The following IPO8 variants were observed in gnomAD, a reference collection of about 807,000 sequenced individuals.
IPO8 encodes importin 8, also known as importin-8.
A neutral mutation model predicts 141.2 loss-of-function variants in IPO8; 65 were observed. The ratio of observed to expected loss-of-function variants is 0.46; its 90% CI spans 0.38 to 0.57. The LOEUF is 0.57. Ranked by LOEUF, IPO8 falls within the 20% of genes least tolerant of loss-of-function variation. IPO8 has a pLI of 0.00. For missense variants in IPO8, 980 were observed against 1,246.8 expected, an observed-to-expected ratio of 0.79 and a Z score of 3.22; for synonymous variants, 411 against 420.3, an observed-to-expected ratio of 0.98 and a Z score of 0.27.
chr12:30,683,941 C>T (rs2053214174), intron 3 of IPO8, among the ~76,000 whole-genome samples: 2 of 152,202 alleles, frequency 1.3e-5, no homozygotes, highest in South Asian at 4.1e-4. Flanking sequence ...CAGAATCAGT[C>T]TCTCTGTATC....
At position 30,670,228 on chromosome 12, in the gene IPO8, G is replaced by A. The variant is rs532454018; in HGVS notation, c.1044+734C>T. On this transcript the variant is annotated intron_variant, in intron 9 of 24. Coordinates refer to ENST00000256079, the MANE Select transcript of IPO8 (RefSeq NM_006390.4). ...AAGAAAAGATATCTGTTGGTAAGAC[G>A]GGTAATAACACTAAAATTCTATCCT... 3.9e-5 allele frequency among the ~76,000 whole-genome samples: 6 copies of A among 152,188 alleles called. No homozygotes were observed. In the East Asian group the frequency reaches 1.2e-3, roughly 29 times the overall value.
At chr12:30,675,125 T>C (rs771948231) in intron 6 of IPO8, among the ~76,000 whole-genome samples, 2 of 152,256 alleles carry the variant, frequency 1.3e-5, no homozygotes, top group African/African-American at 2.4e-5. Context: ...TGTGCATTTA[T>C]GTATGTAAGC....
In IPO8 at chr12:30,658,636, C is replaced by T. The variant is rs76518360; in HGVS notation, c.1882-1886G>A. Among the ~76,000 whole-genome samples the T allele has an allele frequency of 3.2e-3, 492 of 152,292 alleles. 4 individuals carry two copies. The highest frequency in any genetic ancestry group is 0.012 in the East Asian group (64 of 5,184). On this transcript the variant is annotated intron_variant, in intron 16 of 24. Coordinates refer to ENST00000256079, the MANE Select transcript of IPO8 (RefSeq NM_006390.4). ...AGCTCATTCTACTACGCCCCACACA[C>T]ACTTGTGAAAACTGGATAAGGTGAT...
chr12:30,667,256 A>G (rs550578805), intron 10 of IPO8, among the ~76,000 whole-genome samples: 5 of 152,208 alleles, frequency 3.3e-5, no homozygotes, highest in Admixed American at 2.0e-4. Context: ...CAGCACTATT[A>G]TCATCACCCG....
intron 16 of IPO8, among the ~76,000 whole-genome samples, chr12:30,658,876 C>CTT (rs11337753): frequency 0.026 from 2,303 of 90,250 alleles, 105 homozygotes; most frequent in African/African-American, 0.054. Context: ...AGTATCAAGC[C>CTT]TTTTTTTTTT....
At chr12:30,663,784 T>C in intron 13 of IPO8, 130 bp from the exon 14 acceptor site, 1 of 604,884 alleles carries the variant, frequency 1.7e-6, no homozygotes, top group East Asian at 3.4e-5. Context: ...GGTAACACAG[T>C]AGCCTTAGTT....
At chr12:30,652,128 C>T (rs2052735549) in intron 19 of IPO8, 64 bp downstream of exon 19, 2 of 862,172 alleles carry the variant, frequency 2.3e-6, no homozygotes, top group South Asian at 3.1e-5. Context: ...GAAAAAGTAT[C>T]CTGAAGCAAA....
chr12:30,647,542 C>T (rs948203606), intron 20 of IPO8, among the ~76,000 whole-genome samples: 1 of 134,738 alleles, frequency 7.4e-6, no homozygotes, highest in Admixed American at 8.2e-5. Flanking sequence ...GAGGTCAAGG[C>T]TGCAGTGAGC....
chr12:30,688,940 GA>G (rs1199840909), intron 2 of IPO8, among the ~76,000 whole-genome samples: 2 of 151,738 alleles, frequency 1.3e-5, no homozygotes, highest in Non-Finnish European at 1.5e-5. Flanking sequence ...TATCAACAAT[GA>G]AAAAAAGACA....
Position 30,669,349 on chromosome 12 carries a change from T to C in IPO8, c.1045-67A>G, listed in dbSNP as rs879912903. 5.8e-6 allele frequency: 4 copies of C among 692,084 alleles called. No individual in the cohort carries two copies. In the Admixed American group the frequency reaches 7.6e-5, roughly 13 times the overall value. The allele number at this position is 692,084 out of a possible 1,614,324, so 42.9% of individuals were successfully genotyped here. ...GCTATTCAAGTTTGAGGAATACTAA[T>C]AATGTACTTGTTGACAGCCTTTATG... is the stretch of plus-strand genomic sequence containing the variant. On this transcript the variant is annotated intron_variant, in intron 9 of 24. Coordinates refer to ENST00000256079, the MANE Select transcript of IPO8 (RefSeq NM_006390.4).
intron 20 of IPO8, among the ~76,000 whole-genome samples, chr12:30,647,412 C>A (rs1312549453): frequency 6.6e-6 from 1 of 151,800 alleles, no homozygotes; most frequent in African/African-American, 2.4e-5. Flanking sequence ...TTAAATATGA[C>A]AACGGCTGGG....
At chr12:30,651,588 T>C (rs1268645817) in intron 19 of IPO8, among the ~76,000 whole-genome samples, 1 of 152,092 alleles carries the variant, frequency 6.6e-6, no homozygotes, top group Non-Finnish European at 1.5e-5. Context: ...TGTATGTATA[T>C]ATTTACTTAT....
chr12:30,669,249 A>G lies in IPO8; in HGVS notation c.1078T>C (p.Cys360Arg). 1 of 1,587,428 alleles carries G rather than the reference A, an allele frequency of 6.3e-7. No individual in the cohort carries two copies. The highest frequency in any genetic ancestry group is 8.6e-7 in the Non-Finnish European group (1 of 1,167,978). The change falls in exon 10 of 25, where the codon TGT (cysteine) becomes CGT (arginine). Residue 360 changes from cysteine to arginine, a missense_variant. Cys to Arg is a radical substitution (Grantham distance 180). Coordinates refer to ENST00000256079, the MANE Select transcript of IPO8 (RefSeq NM_006390.4). The stretch of plus-strand genomic sequence containing the variant: ...AGCTCTTCATCCTCATCTTTATAAC[A>G]CATCACAGAAAAAATCACATCTTCA... Reference protein sequence around the residue: ...ISEDVIFSVMCYKDEDEELWQ... With the variant: ...ISEDVIFSVMRYKDEDEELWQ...
intron 5 of IPO8, chr12:30,676,992 C>T (rs1410928043): frequency 6.6e-7 from 1 of 1,523,912 alleles, no homozygotes; most frequent in Non-Finnish European, 8.8e-7. Flanking sequence ...CTTTCCTCTA[C>T]ACTGTAGCAT....
At chr12:30,662,139 C>T (rs538613474) in intron 15 of IPO8, among the ~76,000 whole-genome samples, 188 bp downstream of exon 15, 1 of 152,216 alleles carries the variant, frequency 6.6e-6, no homozygotes, top group Non-Finnish European at 1.5e-5. Context: ...TCTAAACATA[C>T]AAAAGGTACA....
At position 30,652,178 on chromosome 12, in the gene IPO8, T is replaced by C. The variant is rs747206321; in HGVS notation, c.2172+14A>G. The C allele has an allele frequency of 7.0e-7, 1 of 1,419,310 alleles. No individual in the cohort carries two copies. The highest frequency in any genetic ancestry group is 1.8e-5 in the Admixed American group (1 of 56,390). 87.9% of individuals were successfully genotyped at this position (1,419,310 alleles called of 1,614,324 possible). The stretch of plus-strand genomic sequence containing the variant: ...GTTAAGAACCACTGAAACAATAGAT[T>C]AGGTCATGCTTACCTTCCTACACAT... On this transcript the variant is annotated intron_variant, in intron 19 of 24. Coordinates refer to ENST00000256079, the MANE Select transcript of IPO8 (RefSeq NM_006390.4).
chr12:30,638,009 A>G (rs181489327), intron 21 of IPO8, among the ~76,000 whole-genome samples: 4 of 152,206 alleles, frequency 2.6e-5, no homozygotes, highest in African/African-American at 9.7e-5. Context: ...CTAATGCCCA[A>G]CTAGTACGCT....
chr12:30,680,491 T>A lies in IPO8; in HGVS notation c.630A>T (p.Ala210=), dbSNP rs1291752579. 3 of 1,609,472 alleles carry A rather than the reference T, an allele frequency of 1.9e-6. No individual in the cohort carries two copies. Among genetic ancestry groups the A allele is most frequent in the African/African-American group, 2.7e-5 (2 of 74,776 alleles). ...LQKQILKIFY[A]LVQYALPLQL... is the part of the protein sequence containing the mutation. The stretch of plus-strand genomic sequence containing the variant: ...TGCAATAGAAACCTACCTGAACAAG[T>A]GCATAAAAGATTTTCAGAATTTGTT... The change falls in exon 5 of 25, where the codon GCA becomes GCT. Residue 210 remains alanine, a synonymous_variant. Transcript: ENST00000256079.
In IPO8 at chr12:30,680,605, T is replaced by C; in HGVS notation, c.516A>G (p.Ile172Met). The change falls in exon 5 of 25, where the codon ATA (isoleucine) becomes ATG (methionine). Residue 172 changes from isoleucine to methionine, a missense_variant. By Grantham distance (10) the Ile-to-Met change is conservative. This residue lies in a region of IPO8 where 924 missense variants were observed against 1,153.9 expected (regional missense o/e 0.80). Transcript: ENST00000256079. ...YKKAEEREPL[I>M]IAMQIFLPRI... ...GAGGCAGGAATATCTGCATTGCTAT[T>C]ATAAGAGGTTCTCTCTCTTCTGCTT... is the stretch of plus-strand genomic sequence containing the variant. 1 of 1,612,108 alleles carries C rather than the reference T, an allele frequency of 6.2e-7. No homozygotes were observed. Among genetic ancestry groups the C allele is most frequent in the Non-Finnish European group, 8.5e-7 (1 of 1,179,180 alleles).
Sources: allele counts gnomAD v4.1 joint callset (sites outside exome capture counted in the v4.1 genomes callset), GRCh38; gene constraint gnomAD v4.1.1; regional missense constraint gnomAD v4.1.1; transcripts MANE v1.5; gene names NCBI Gene and HGNC (gene_info 2026-07-23, HGNC 2026-07-21).